The following LRRC9 variants were observed in gnomAD, a reference collection of about 807,000 sequenced individuals.
LRRC9 encodes leucine rich repeat containing 9.
In LRRC9, 122 loss-of-function variants were observed where a neutral mutation model predicts 63.2. The observed-to-expected ratio is 1.93, with a 90% CI of 1.67 to 2.24. LRRC9 has a LOEUF of 2.24. Ranked by LOEUF, LRRC9 falls within the 30% of genes most tolerant of loss-of-function variation. The probability of loss-of-function intolerance (pLI) is 0.00; values close to 1 mark genes in which losing one functional copy is unlikely to be tolerated. For missense variants in LRRC9, 1,071 were observed against 627.7 expected, an observed-to-expected ratio of 1.71 and a Z score of -7.55; for synonymous variants, 366 against 213.1, an observed-to-expected ratio of 1.72 and a Z score of -6.25.
Position 59,936,322 on chromosome 14 carries a change from A to C in LRRC9, c.544-2068A>C, listed in dbSNP as rs1890137162. On this transcript the variant is annotated intron_variant, in intron 6 of 31. Coordinates refer to ENST00000445360, the Ensembl canonical transcript of LRRC9. The surrounding 1 kb of genome is among the most constrained non-coding windows in gnomAD (Gnocchi z 4.2). ...TTGAACGTGATTCACAGGAAGTTTT[A>C]CTATCTTCATATTAAAAATGTTCCT... 6.6e-6 allele frequency among the ~76,000 whole-genome samples: 1 copy of C among 152,198 alleles called. No homozygotes were observed. Among genetic ancestry groups the C allele is most frequent in the Non-Finnish European group, 1.5e-5 (1 of 68,032 alleles).
In LRRC9 at chr14:59,975,228, C is replaced by T. The variant is rs544196842; in HGVS notation, c.1639+520C>T. Among the ~76,000 whole-genome samples, 364 of 143,342 alleles carry T rather than the reference C, an allele frequency of 2.5e-3. 3 individuals are homozygous for T. Among genetic ancestry groups the T allele is most frequent in the African/African-American group, 9.0e-3 (351 of 38,992 alleles). The allele number at this position is 143,342 out of a possible 152,430, so 94.0% of individuals were successfully genotyped here. ...ACAGGAAATAGAAAAGAATTTGGCC[C>T]ATATATGTGATAATTATATAATAAT... On this transcript the variant is annotated intron_variant, in intron 13 of 31. Transcript: ENST00000445360.
At chr14:60,061,037 T>G (rs1894627922) in intron 31 of LRRC9, among the ~76,000 whole-genome samples, 1 of 152,212 alleles carries the variant, frequency 6.6e-6, no homozygotes, top group African/African-American at 2.4e-5. Context: ...AGGAGTTGCT[T>G]CTTATGGAGG....
chr14:59,929,757 A>C (rs1318855241), intron 3 of LRRC9, among the ~76,000 whole-genome samples: 1 of 152,162 alleles, frequency 6.6e-6, no homozygotes, highest in Non-Finnish European at 1.5e-5. Flanking sequence ...AAAAAGAACA[A>C]GATAATGTCC....
intron 8 of LRRC9, among the ~76,000 whole-genome samples, chr14:59,946,007 A>C (rs79280710): frequency 0.014 from 2,167 of 151,988 alleles, 53 homozygotes; most frequent in East Asian, 0.058. Flanking sequence ...GTATAACAGC[A>C]TAAAAATGCT....
exon 14 of LRRC9, chr14:59,977,327 T>C: frequency 4.3e-6 from 3 of 696,156 alleles, no homozygotes; most frequent in South Asian, 1.5e-5. Flanking sequence ...TCAGTGTTCA[T>C]TCCTCGGAAA....
rs1884025789 is a variant in LRRC9 at position 59,958,496 on chromosome 14, G to A, written c.883-1322G>A. 6.6e-6 allele frequency among the ~76,000 whole-genome samples: 1 copy of A among 152,202 alleles called. No homozygotes were observed. Among genetic ancestry groups the A allele is most frequent in the South Asian group, 2.1e-4 (1 of 4,830 alleles). On this transcript the variant is annotated intron_variant, in intron 8 of 31. Transcript: ENST00000445360. The surrounding 1 kb of genome is among the most constrained non-coding windows in gnomAD (Gnocchi z 4.0). ...GCCCCAACCAAGCTCAATCGACCCAGGTCGACTTCAGACTGCTGTGCTGGC... is the reference window on the plus strand; with the variant it reads ...GCCCCAACCAAGCTCAATCGACCCAAGTCGACTTCAGACTGCTGTGCTGGC...
intron 26 of LRRC9, among the ~76,000 whole-genome samples, chr14:60,020,520 A>G (rs1891038875): frequency 6.6e-6 from 1 of 151,916 alleles, no homozygotes; most frequent in African/African-American, 2.4e-5. Context: ...TATTAAGTGT[A>G]TAATTCAATA....
intron 8 of LRRC9, among the ~76,000 whole-genome samples, chr14:59,959,090 A>C (rs1212604002): frequency 6.6e-6 from 1 of 152,212 alleles, no homozygotes; most frequent in African/African-American, 2.4e-5. Flanking sequence ...ATTTATCTTT[A>C]AATTACATAA....
intron 12 of LRRC9, chr14:59,973,644 A>G (rs1246348773): frequency 2.0e-5 from 3 of 152,090 alleles, no homozygotes; most frequent in Non-Finnish European, 4.4e-5. Context: ...AATAGTTGTT[A>G]TACTGCATTG....
intron 6 of LRRC9, among the ~76,000 whole-genome samples, chr14:59,935,869 C>T (rs1890097988): frequency 2.0e-5 from 3 of 152,238 alleles, no homozygotes; most frequent in Admixed American, 2.0e-4. Context: ...GCAATTATGA[C>T]ATAAGGCTGA....
chr14:60,007,342 A>G (rs1257474581), intron 22 of LRRC9, among the ~76,000 whole-genome samples: 2 of 152,172 alleles, frequency 1.3e-5, no homozygotes, highest in Admixed American at 6.6e-5. Context: ...TATGATGCAC[A>G]GTAGTTTTAC....
intron 23 of LRRC9, among the ~76,000 whole-genome samples, chr14:60,011,100 A>G (rs1566874042): frequency 6.6e-6 from 1 of 152,234 alleles, no homozygotes; most frequent in Non-Finnish European, 1.5e-5. Flanking sequence ...CATGCTGCCA[A>G]TAAAGACATA....
chr14:59,952,062 A>G (rs1186592472), intron 8 of LRRC9, among the ~76,000 whole-genome samples: 1 of 152,012 alleles, frequency 6.6e-6, no homozygotes, highest in Admixed American at 6.6e-5. Flanking sequence ...TGTTTACCTA[A>G]GCAAGCCTGG....
At chr14:59,952,344 C>T (rs1011896458) in intron 8 of LRRC9, among the ~76,000 whole-genome samples, 5 of 152,332 alleles carry the variant, frequency 3.3e-5, no homozygotes, top group African/African-American at 4.8e-5. Flanking sequence ...GGCAATGCCT[C>T]GCCTTGCTTC....
At chr14:60,034,329 A>G (rs1344731922) in intron 29 of LRRC9, among the ~76,000 whole-genome samples, 1 of 151,722 alleles carries the variant, frequency 6.6e-6, no homozygotes, top group Admixed American at 6.6e-5. Context: ...TAAATTTTTA[A>G]TGTATTGCTG....
In LRRC9 at chr14:59,936,187, T is replaced by C. The variant is rs962945780; in HGVS notation, c.544-2203T>C. ...ACTTTAATTACATTGAACTGCTGTA[T>C]TTCAGTATCTTCATTTTAAAAATGA... On this transcript the variant is annotated intron_variant, in intron 6 of 31. Transcript: ENST00000445360. The surrounding 1 kb of genome is among the most constrained non-coding windows in gnomAD (Gnocchi z 4.2). 6.6e-6 allele frequency among the ~76,000 whole-genome samples: 1 copy of C among 152,192 alleles called. No homozygotes were observed. Among genetic ancestry groups the C allele is most frequent in the Admixed American group, 6.5e-5 (1 of 15,280 alleles).
exon 16 of LRRC9, chr14:59,981,969 A>G (rs1381797918): frequency 1.4e-6 from 1 of 702,558 alleles, no homozygotes; most frequent in African/African-American, 1.7e-5. Context: ...ATAAAAATGG[A>G]GCCCAGAATC....
At chr14:59,934,804 C>CA (rs898306188) in intron 6 of LRRC9, among the ~76,000 whole-genome samples, 1 of 151,940 alleles carries the variant, frequency 6.6e-6, no homozygotes, top group African/African-American at 2.4e-5. Flanking sequence ...AACAAACCAA[C>CA]AAAAAACCTT....
In LRRC9 at chr14:59,962,529, G is replaced by A. The variant is rs1884452561; in HGVS notation, c.1211+1484G>A. 6.6e-6 allele frequency among the ~76,000 whole-genome samples: 1 copy of A among 151,690 alleles called. No individual in the cohort carries two copies. Among genetic ancestry groups the A allele is most frequent in the African/African-American group, 2.4e-5 (1 of 41,290 alleles). On this transcript the variant is annotated intron_variant, in intron 10 of 31. Coordinates refer to ENST00000445360, the Ensembl canonical transcript of LRRC9. This position sits in a 1 kb window ranked among gnomAD's most constrained non-coding sequence, Gnocchi z 5.1. ...AGCGATTCTCCTGCCTCAGACTCCC[G>A]AGTAGCTAAGATTATAGGTGCATGC...
Sources: gnomAD v4.1 joint callset for allele counts (sites outside exome capture counted in the v4.1 genomes callset) on GRCh38, gnomAD v4.1.1 for gene constraint, Gnocchi (gnomAD v3.1) non-coding constraint, MANE v1.5 for transcripts, NCBI Gene and HGNC (gene_info 2026-07-23, HGNC 2026-07-21) for gene names.